Variants in EPHA3 observed in about 807,000 individuals in gnomAD.
The protein encoded by EPHA3 is ephrin type-A receptor 3.
Under a neutral mutation model 107.1 loss-of-function variants are expected in EPHA3, and 42 were observed. The ratio of observed to expected loss-of-function variants is 0.39; its 90% CI spans 0.31 to 0.51. EPHA3 has a LOEUF of 0.51. EPHA3 is among the 20% of genes least tolerant of loss of function. EPHA3 has a pLI of 0.78. For missense variants in EPHA3, 1,183 were observed against 1,211.2 expected (o/e 0.98, Z 0.35); for synonymous variants, 461 against 424.8 (o/e 1.09, Z -1.05).
chr3:89,385,917 T>C (rs1696491737), intron 5 of EPHA3, among the ~76,000 whole-genome samples: 1 of 152,282 alleles, frequency 6.6e-6, no homozygotes, highest in Admixed American at 6.5e-5. Flanking sequence ...GCTGAGGTGG[T>C]CTCAGATGGA....
In EPHA3 at chr3:89,356,898, A is replaced by T. The variant is rs532909592; in HGVS notation, c.1306+14808A>T. On this transcript the variant is annotated intron_variant, in intron 5 of 16. Transcript: ENST00000336596. ...GGCGGGCAGATCAGGAAGTCAGGAG[A>T]TCAAAACCATCATGGGAAACATGGT... 6.7e-5 allele frequency among the ~76,000 whole-genome samples: 10 copies of T among 150,240 alleles called. No homozygotes were observed. In the East Asian group the frequency reaches 2.0e-3, roughly 30 times the overall value.
chr3:89,402,046 T>G (rs1191657475), intron 7 of EPHA3, among the ~76,000 whole-genome samples: 1 of 152,204 alleles, frequency 6.6e-6, no homozygotes, highest in Non-Finnish European at 1.5e-5. Context: ...TAGATAAACA[T>G]GTTTTATGCA....
At chr3:89,390,061 G>A (rs1233974687) in intron 5 of EPHA3, among the ~76,000 whole-genome samples, 1 of 151,926 alleles carries the variant, frequency 6.6e-6, no homozygotes, top group Admixed American at 6.6e-5. Flanking sequence ...GTGTCATCTT[G>A]GCTCATTGTA....
intron 15 of EPHA3, among the ~76,000 whole-genome samples, chr3:89,453,315 G>C (rs1710031795): frequency 6.6e-6 from 1 of 152,106 alleles, no homozygotes; most frequent in African/African-American, 2.4e-5. Flanking sequence ...CAGTTTCACA[G>C]AGAAAAGTAG....
At chr3:89,194,504 C>T (rs780739885) in intron 2 of EPHA3, among the ~76,000 whole-genome samples, 4 of 151,832 alleles carry the variant, frequency 2.6e-5, no homozygotes, top group South Asian at 2.1e-4. Context: ...CTGTAGATAT[C>T]GATTAAGAAA....
intron 5 of EPHA3, among the ~76,000 whole-genome samples, chr3:89,349,989 G>C (rs1707770052): frequency 6.7e-6 from 1 of 150,134 alleles, no homozygotes; most frequent in African/African-American, 2.4e-5. Context: ...GAGATCCGCT[G>C]TTAGTCTGAT....
At chr3:89,275,096 T>C (rs1483073939) in intron 3 of EPHA3, among the ~76,000 whole-genome samples, 1 of 152,050 alleles carries the variant, frequency 6.6e-6, no homozygotes, top group Non-Finnish European at 1.5e-5. Context: ...AGTAGTTTAA[T>C]TAAAATTGAA....
intron 5 of EPHA3, among the ~76,000 whole-genome samples, chr3:89,355,169 T>G (rs1288887316): frequency 6.6e-6 from 1 of 151,174 alleles, no homozygotes; most frequent in Admixed American, 6.6e-5. Flanking sequence ...GGAAATAGCT[T>G]TAAAGGCAAG....
intron 3 of EPHA3, among the ~76,000 whole-genome samples, chr3:89,270,199 G>A (rs1705635326): frequency 6.6e-6 from 1 of 151,974 alleles, no homozygotes; most frequent in South Asian, 2.1e-4. Context: ...CATGGTACCT[G>A]ACACTTAGTA....
intron 6 of EPHA3, among the ~76,000 whole-genome samples, chr3:89,396,752 G>C (rs1708858225): frequency 6.6e-6 from 1 of 152,042 alleles, no homozygotes; most frequent in African/African-American, 2.4e-5. Flanking sequence ...ATCTACTTCA[G>C]TTTATAAAGT....
At chr3:89,425,677 G>C (rs1709441054) in intron 11 of EPHA3, among the ~76,000 whole-genome samples, 1 of 151,346 alleles carries the variant, frequency 6.6e-6, no homozygotes. Context: ...AAGTTTGTTA[G>C]AAAATTTCAA....
intron 13 of EPHA3, among the ~76,000 whole-genome samples, chr3:89,437,941 C>A (rs1458834487): frequency 6.6e-6 from 1 of 152,024 alleles, no homozygotes; most frequent in Non-Finnish European, 1.5e-5. Context: ...CTTTTCATTT[C>A]TATTCTGAAG....
Position 89,144,178 on chromosome 3 carries a change from A to G in EPHA3, c.153+16905A>G, listed in dbSNP as rs186827472. ...CATAATACATATTTTCACCATTTCA[A>G]TATCATACAGAATGGTTTAATTGCC... is the stretch of plus-strand genomic sequence containing the variant. On this transcript the variant is annotated intron_variant, in intron 2 of 16. Coordinates refer to ENST00000336596, the MANE Select transcript of EPHA3 (RefSeq NM_005233.6). Among the ~76,000 whole-genome samples, 8 of 151,798 alleles carry G rather than the reference A, an allele frequency of 5.3e-5. No homozygotes were observed. In the East Asian group the frequency reaches 1.6e-3, roughly 29 times the overall value.
chr3:89,212,176 G>A (rs575776527), intron 3 of EPHA3, among the ~76,000 whole-genome samples: 1 of 151,982 alleles, frequency 6.6e-6, no homozygotes, highest in East Asian at 1.9e-4. Context: ...TTTAAAATAT[G>A]ACTTTTATTT....
At chr3:89,352,476 T>C (rs928833275) in intron 5 of EPHA3, among the ~76,000 whole-genome samples, 1 of 151,368 alleles carries the variant, frequency 6.6e-6, no homozygotes, top group Non-Finnish European at 1.5e-5. Context: ...CATGGTTTTA[T>C]GGCCTTTTAT....
intron 9 of EPHA3, among the ~76,000 whole-genome samples, chr3:89,410,837 G>A (rs1709144329): frequency 6.6e-6 from 1 of 151,750 alleles, no homozygotes; most frequent in Admixed American, 6.6e-5. Flanking sequence ...TCTTTTAAAG[G>A]TAAAGGGTTT....
At chr3:89,291,567 G>A (rs1293325002) in intron 3 of EPHA3, among the ~76,000 whole-genome samples, 1 of 152,138 alleles carries the variant, frequency 6.6e-6, no homozygotes, top group African/African-American at 2.4e-5. Flanking sequence ...AAAGATAAGA[G>A]TTATTTACAG....
At chr3:89,389,758 A>T (rs1475519014) in intron 5 of EPHA3, among the ~76,000 whole-genome samples, 1 of 152,216 alleles carries the variant, frequency 6.6e-6, no homozygotes, top group African/African-American at 2.4e-5. Flanking sequence ...TAATTCTAAC[A>T]CAAATTGTGA....
intron 5 of EPHA3, among the ~76,000 whole-genome samples, chr3:89,376,335 G>A (rs761983819): frequency 6.6e-6 from 1 of 151,096 alleles, no homozygotes; most frequent in Non-Finnish European, 1.5e-5. Context: ...TAGGATGTGT[G>A]TATATAAATA....
Sources: allele counts gnomAD v4.1 joint callset (sites outside exome capture counted in the v4.1 genomes callset), GRCh38; gene constraint gnomAD v4.1.1; transcripts MANE v1.5; gene names NCBI Gene and HGNC (gene_info 2026-07-23, HGNC 2026-07-21).